Variants in CAPZB observed in about 807,000 individuals in gnomAD.
The protein encoded by CAPZB is capping actin protein of muscle Z-line subunit beta.
A neutral mutation model predicts 38.1 loss-of-function variants in CAPZB; 2 were observed. The observed-to-expected ratio is 0.05, with a 90% CI of 0.02 to 0.17. CAPZB has a LOEUF of 0.17. CAPZB is among the 10% of genes least tolerant of loss of function. The pLI, the probability that CAPZB is intolerant of heterozygous loss-of-function variation, is 1.00. For synonymous variants in CAPZB, 107 were observed against 127.4 expected (o/e 0.84, Z 1.08); for missense variants, 161 against 334.2 (o/e 0.48, Z 4.04).
chr1:19,466,902 T>TTTTTTG lies in CAPZB; in HGVS notation c.3+18528_3+18533dup, dbSNP rs2094570815. Among the ~76,000 whole-genome samples, 5 of 151,140 alleles carry TTTTTTG rather than the reference T, an allele frequency of 3.3e-5. No individual in the cohort carries two copies. The South Asian group carries it at 1.0e-3, about 31-fold the overall frequency. On this transcript the variant is annotated intron_variant, in intron 1 of 8. Coordinates refer to ENST00000264202, the MANE Select transcript of CAPZB (RefSeq NM_004930.5). ...TAGCGGTGTTAGGCTCAGGCCAAAG[T>TTTTTTG]TTTTTGTTTTTGTTTTTGAGAGAGG...
chr1:19,460,244 G>T (rs1190909700), intron 1 of CAPZB, among the ~76,000 whole-genome samples: 1 of 152,210 alleles, frequency 6.6e-6, no homozygotes, highest in Admixed American at 6.5e-5. Flanking sequence ...CATTAAATTT[G>T]TGAGTGGAAG....
intron 1 of CAPZB, among the ~76,000 whole-genome samples, chr1:19,423,454 G>A (rs1423410066): frequency 4.0e-5 from 6 of 151,760 alleles, no homozygotes; most frequent in South Asian, 2.1e-4. Context: ...GCTAGTCCCA[G>A]GGGCCTCCCT....
At chr1:19,429,365 G>T (rs1360736188) in intron 1 of CAPZB, among the ~76,000 whole-genome samples, 1 of 151,852 alleles carries the variant, frequency 6.6e-6, no homozygotes, top group East Asian at 1.9e-4. Context: ...CAAATAGTTT[G>T]TAAGTACCTT....
At position 19,341,551 on chromosome 1, in the gene CAPZB, C is replaced by A. The variant is rs573360158; in HGVS notation, c.732-1934G>T. Among the ~76,000 whole-genome samples the A allele has an allele frequency of 1.1e-4, 16 of 152,174 alleles. 1 individual carries two copies. The highest frequency in any genetic ancestry group is 2.9e-5 in the Non-Finnish European group (2 of 68,024). On this transcript the variant is annotated intron_variant, in intron 8 of 8. Transcript: ENST00000264202. ...TAAGGGACAATGCTTGGGAAGGTCA[C>A]GGCCAAGCAACCTCGAATCAGCGCT...
intron 1 of CAPZB, among the ~76,000 whole-genome samples, chr1:19,483,165 T>C (rs2094636405): frequency 2.0e-5 from 3 of 152,206 alleles, no homozygotes; most frequent in Admixed American, 6.5e-5. Flanking sequence ...ACTATAAACA[T>C]GATTTCCTAT....
At chr1:19,430,521 A>G (rs1315043043) in intron 1 of CAPZB, among the ~76,000 whole-genome samples, 1 of 152,248 alleles carries the variant, frequency 6.6e-6, no homozygotes, top group Non-Finnish European at 1.5e-5. Flanking sequence ...AAAAGGAGTT[A>G]GCCATCCAGA....
chr1:19,463,292 T>C (rs537758155), intron 1 of CAPZB, among the ~76,000 whole-genome samples: 4 of 152,194 alleles, frequency 2.6e-5, no homozygotes, highest in Non-Finnish European at 5.9e-5. Flanking sequence ...ACCTCACTTG[T>C]GCCGCTCTTC....
chr1:19,398,394 T>G (rs1442177910), intron 2 of CAPZB, among the ~76,000 whole-genome samples: 4 of 152,192 alleles, frequency 2.6e-5, no homozygotes, highest in Non-Finnish European at 5.9e-5. Flanking sequence ...GAGGTCTGGC[T>G]TCCTCCAACA....
chr1:19,370,212 G>T (rs564503223), intron 4 of CAPZB, among the ~76,000 whole-genome samples: 3 of 152,196 alleles, frequency 2.0e-5, no homozygotes, highest in Non-Finnish European at 4.4e-5. Flanking sequence ...TGGCCCAGGC[G>T]GTTCCCACTG....
At chr1:19,365,451 A>C (rs926721603) in intron 4 of CAPZB, among the ~76,000 whole-genome samples, 3 of 152,300 alleles carry the variant, frequency 2.0e-5, no homozygotes, top group Admixed American at 1.3e-4. Context: ...GGGCAGCCCT[A>C]GTGAAGGCTT....
chr1:19,404,270 G>A (rs1570153864), intron 2 of CAPZB, among the ~76,000 whole-genome samples: 1 of 146,290 alleles, frequency 6.8e-6, no homozygotes, highest in Non-Finnish European at 1.5e-5. Context: ...ATGGCTGGGC[G>A]CAGTGGCTCA....
intron 1 of CAPZB, among the ~76,000 whole-genome samples, chr1:19,436,250 C>T (rs1385554419): frequency 6.6e-6 from 1 of 152,194 alleles, no homozygotes; most frequent in Non-Finnish European, 1.5e-5. Flanking sequence ...CTGCCTGGGA[C>T]ATGAATCATC....
intron 4 of CAPZB, among the ~76,000 whole-genome samples, chr1:19,366,305 T>TATATATATATATATAA (rs1396564571): frequency 2.0e-5 from 2 of 97,596 alleles, no homozygotes; most frequent in African/African-American, 9.3e-5. Flanking sequence ...TATATATATA[T>TATATATATATATATAA]ATATAAATAA....
Position 19,461,000 on chromosome 1 carries a change from C to T in CAPZB, c.3+24436G>A, listed in dbSNP as rs544566617. ...GGAGCTGAGCTACTGAGCTCAGCCT[C>T]CCTCTCTCAAGGCTGGGAAAGGAAA... is the stretch of plus-strand genomic sequence containing the variant. On this transcript the variant is annotated intron_variant, in intron 1 of 8. Transcript: ENST00000264202. 5.6e-3 allele frequency among the ~76,000 whole-genome samples: 844 copies of T among 151,736 alleles called. 3 individuals are homozygous for T. The highest frequency in any genetic ancestry group is 0.018 in the African/African-American group (756 of 41,336).
chr1:19,423,124 C>G (rs1045863376), intron 1 of CAPZB, among the ~76,000 whole-genome samples: 3 of 152,294 alleles, frequency 2.0e-5, no homozygotes, highest in Admixed American at 6.5e-5. Flanking sequence ...GGATCTGACT[C>G]ATATTTTGCA....
At chr1:19,370,173 C>T (rs214318) in intron 4 of CAPZB, among the ~76,000 whole-genome samples, 50,564 of 152,116 alleles carry the variant, frequency 0.33, 9,281 homozygotes, top group East Asian at 0.56. Context: ...CACTCACTGC[C>T]CACGACCACT....
Position 19,405,453 on chromosome 1 carries a change from G to A in CAPZB, c.93+14208C>T, listed in dbSNP as rs79065492. Among the ~76,000 whole-genome samples, 347 of 150,900 alleles carry A rather than the reference G, an allele frequency of 2.3e-3. 2 individuals carry two copies. The highest frequency in any genetic ancestry group is 8.4e-3 in the African/African-American group (343 of 40,940). Reference sequence around the variant, plus strand: ...GTCAATGAGACAGGAAAACAATGCGGGCGAAGAAGTATTAAGCCTCTTTAA... The same window carrying A: ...GTCAATGAGACAGGAAAACAATGCGAGCGAAGAAGTATTAAGCCTCTTTAA... On this transcript the variant is annotated intron_variant, in intron 2 of 8. Coordinates refer to ENST00000264202, the MANE Select transcript of CAPZB (RefSeq NM_004930.5).
intron 2 of CAPZB, among the ~76,000 whole-genome samples, chr1:19,414,387 C>T (rs768516069): frequency 7.9e-5 from 12 of 152,150 alleles, no homozygotes; most frequent in Non-Finnish European, 1.2e-4. Context: ...ATCAACTCCC[C>T]GGTAAAAAAT....
intron 6 of CAPZB, among the ~76,000 whole-genome samples, chr1:19,350,161 C>A (rs1490214071): frequency 6.6e-6 from 1 of 152,256 alleles, no homozygotes; most frequent in Non-Finnish European, 1.5e-5. Context: ...TTACACCTCC[C>A]ACTGCCACGT....
Sources: allele counts gnomAD v4.1 joint callset (sites outside exome capture counted in the v4.1 genomes callset), GRCh38; gene constraint gnomAD v4.1.1; transcripts MANE v1.5; gene names NCBI Gene and HGNC (gene_info 2026-07-23, HGNC 2026-07-21).